Variants in NRXN1 observed in about 807,000 individuals in gnomAD.
NRXN1 encodes neurexin-1.
Under a neutral mutation model 150.9 loss-of-function variants are expected in NRXN1, and 39 were observed. The ratio of observed to expected loss-of-function variants is 0.26; its 90% CI spans 0.20 to 0.34. The LOEUF is 0.34. NRXN1 is among the 10% of genes least tolerant of loss of function. The pLI is 1.00. For missense variants in NRXN1, 1,815 were observed against 1,949.9 expected, an observed-to-expected ratio of 0.93 and a Z score of 1.30; for synonymous variants, 924 against 757.0, an observed-to-expected ratio of 1.22 and a Z score of -3.62.
chr2:50,219,843 C>G (rs1241766170), intron 18 of NRXN1, among the ~76,000 whole-genome samples: 1 of 144,796 alleles, frequency 6.9e-6, no homozygotes. Context: ...TGAGCTATAA[C>G]CACACTACTG....
intron 17 of NRXN1, among the ~76,000 whole-genome samples, chr2:50,318,588 G>C (rs1470343324): frequency 6.6e-6 from 1 of 151,926 alleles, no homozygotes; most frequent in Non-Finnish European, 1.5e-5. Context: ...TCACTCAGTA[G>C]AATGATACAC....
intron 2 of NRXN1, among the ~76,000 whole-genome samples, chr2:51,007,156 A>G (rs1029929866): frequency 2.0e-5 from 3 of 151,910 alleles, no homozygotes; most frequent in Non-Finnish European, 4.4e-5. Context: ...TTTTATTTCA[A>G]AATTCTATTT....
intron 21 of NRXN1, among the ~76,000 whole-genome samples, chr2:50,034,588 C>G (rs1187152496): frequency 6.6e-6 from 1 of 151,850 alleles, no homozygotes; most frequent in African/African-American, 2.4e-5. Context: ...ATAACCAACC[C>G]CCATGACACA....
chr2:50,567,286 G>A (rs1411114765), intron 8 of NRXN1, among the ~76,000 whole-genome samples: 4 of 152,066 alleles, frequency 2.6e-5, no homozygotes, highest in African/African-American at 9.7e-5. Context: ...AGTTTTCAGG[G>A]GTCTAGAGTT....
chr2:50,447,096 C>G (rs1409831113), intron 17 of NRXN1, among the ~76,000 whole-genome samples: 3 of 152,016 alleles, frequency 2.0e-5, no homozygotes, highest in African/African-American at 7.2e-5. Flanking sequence ...CCTCAAATAT[C>G]AGATTGCATT....
chr2:50,816,204 T>A (rs1668907237), intron 5 of NRXN1, among the ~76,000 whole-genome samples: 1 of 152,152 alleles, frequency 6.6e-6, no homozygotes, highest in Admixed American at 6.6e-5. Context: ...ATATTAGTAC[T>A]CACATGGCCA....
chr2:50,702,366 A>T, intron 5 of NRXN1, among the ~76,000 whole-genome samples: 1 of 151,988 alleles, frequency 6.6e-6, no homozygotes, highest in Non-Finnish European at 1.5e-5. Flanking sequence ...GAAAAAAAAA[A>T]ACAAAACAAA....
chr2:50,449,464 T>C (rs1384188771), intron 17 of NRXN1, among the ~76,000 whole-genome samples: 1 of 152,220 alleles, frequency 6.6e-6, no homozygotes, highest in Non-Finnish European at 1.5e-5. Flanking sequence ...ATTAGAGCAG[T>C]GCTTCTTACA....
At chr2:50,714,357 T>C (rs1282232682) in intron 5 of NRXN1, among the ~76,000 whole-genome samples, 2 of 152,084 alleles carry the variant, frequency 1.3e-5, no homozygotes, top group Non-Finnish European at 2.9e-5. Flanking sequence ...GAGAAATCTG[T>C]CTTTTTTTTC....
chr2:50,942,990 G>A (rs1400655794), intron 2 of NRXN1, among the ~76,000 whole-genome samples: 2 of 152,168 alleles, frequency 1.3e-5, no homozygotes, highest in Admixed American at 1.3e-4. Flanking sequence ...GGAGTGGCCT[G>A]TGGGTGGTGA....
intron 17 of NRXN1, among the ~76,000 whole-genome samples, chr2:50,430,590 C>T (rs772141194): frequency 6.6e-6 from 1 of 152,176 alleles, no homozygotes; most frequent in Non-Finnish European, 1.5e-5. Flanking sequence ...TAATAACAAG[C>T]ACAGCCCTGT....
At chr2:50,577,963 C>T (rs942272449) in intron 8 of NRXN1, among the ~76,000 whole-genome samples, 3 of 152,060 alleles carry the variant, frequency 2.0e-5, no homozygotes, top group Admixed American at 2.0e-4. Flanking sequence ...ACGTGAGTTC[C>T]TTAAATTATA....
At chr2:50,865,898 G>C (rs1022566552) in intron 5 of NRXN1, among the ~76,000 whole-genome samples, 1 of 151,178 alleles carries the variant, frequency 6.6e-6, no homozygotes, top group African/African-American at 2.4e-5. Context: ...CAATTGTATA[G>C]ATAAGGAAAT....
intron 17 of NRXN1, among the ~76,000 whole-genome samples, chr2:50,266,164 A>G: frequency 6.7e-6 from 1 of 149,504 alleles, no homozygotes; most frequent in Admixed American, 6.7e-5. Flanking sequence ...ACGCCCAGGT[A>G]ATTTTTGTAG....
chr2:49,976,297 T>C (rs1200359598), intron 21 of NRXN1, among the ~76,000 whole-genome samples: 2 of 151,766 alleles, frequency 1.3e-5, no homozygotes, highest in African/African-American at 4.8e-5. Flanking sequence ...CCTCCCAAAG[T>C]ACCAGGATTA....
chr2:50,475,585 A>G (rs957967700), intron 15 of NRXN1, among the ~76,000 whole-genome samples: 4 of 152,104 alleles, frequency 2.6e-5, no homozygotes, highest in African/African-American at 9.7e-5. Context: ...AAAGAGCAGA[A>G]AATATCAGTT....
intron 18 of NRXN1, among the ~76,000 whole-genome samples, chr2:50,214,549 G>A (rs1210483062): frequency 2.0e-5 from 3 of 151,616 alleles, no homozygotes. Context: ...ATTCCAGCAG[G>A]CACAGAAAAA....
At chr2:50,887,758 G>T (rs904988066) in intron 5 of NRXN1, among the ~76,000 whole-genome samples, 1 of 151,196 alleles carries the variant, frequency 6.6e-6, no homozygotes, top group Non-Finnish European at 1.5e-5. Flanking sequence ...TTCATGGTCA[G>T]GGAAAAGATG....
intron 1 of NRXN1, among the ~76,000 whole-genome samples, chr2:51,029,699 A>C (rs754563341): frequency 3.3e-5 from 5 of 152,212 alleles, no homozygotes; most frequent in Non-Finnish European, 7.3e-5. Context: ...CTTAGAAGGA[A>C]TATTGATGGT....
Sources: allele counts gnomAD v4.1 joint callset (sites outside exome capture counted in the v4.1 genomes callset), GRCh38; gene constraint gnomAD v4.1.1; transcripts MANE v1.5; gene names NCBI Gene and HGNC (gene_info 2026-07-23, HGNC 2026-07-21).